Variants in GRB2 observed in about 807,000 individuals in gnomAD.
GRB2 encodes the protein growth factor receptor bound protein 2, also known as growth factor receptor-bound protein 2.
In GRB2, 2 loss-of-function variants were observed where a neutral mutation model predicts 27.4. The observed-to-expected ratio is 0.07, with a 90% CI of 0.03 to 0.23. The LOEUF (loss-of-function observed/expected upper bound fraction) is 0.23. GRB2 is among the 10% of genes least tolerant of loss of function. The pLI, the probability that GRB2 is intolerant of heterozygous loss-of-function variation, is 1.00. For synonymous variants in GRB2, 94 were observed against 99.6 expected (o/e 0.94, Z 0.33); for missense variants, 102 against 282.4 (o/e 0.36, Z 4.58).
chr17:75,397,305 G>C (rs1002488773), intron 1 of GRB2, among the ~76,000 whole-genome samples: 3 of 152,166 alleles, frequency 2.0e-5, no homozygotes, highest in Non-Finnish European at 4.4e-5. Context: ...TCTGAAAGCA[G>C]ACACAATGTA....
At chr17:75,366,701 T>G (rs1418233125) in intron 2 of GRB2, among the ~76,000 whole-genome samples, 1 of 152,000 alleles carries the variant, frequency 6.6e-6, no homozygotes, top group East Asian at 1.9e-4. Flanking sequence ...TTTCAGCTAC[T>G]TGGGAGGCTG....
At chr17:75,391,231 CA>C (rs1367184202) in intron 2 of GRB2, among the ~76,000 whole-genome samples, 1 of 152,094 alleles carries the variant, frequency 6.6e-6, no homozygotes, top group Non-Finnish European at 1.5e-5. Context: ...CTTCATATCT[CA>C]GTTATCTACC....
At chr17:75,350,963 G>A (rs1295509786) in intron 2 of GRB2, among the ~76,000 whole-genome samples, 1 of 152,278 alleles carries the variant, frequency 6.6e-6, no homozygotes, top group South Asian at 2.1e-4. Context: ...GGGAGACCAG[G>A]GACAGAGAAC....
At chr17:75,358,774 C>T (rs1353351225) in intron 2 of GRB2, among the ~76,000 whole-genome samples, 1 of 143,994 alleles carries the variant, frequency 6.9e-6, no homozygotes, top group Non-Finnish European at 1.5e-5. Flanking sequence ...ATCCCAGCTA[C>T]TCAGGAGGCT....
chr17:75,372,325 A>C (rs1424686800), intron 2 of GRB2: 2 of 152,282 alleles, frequency 1.3e-5, no homozygotes, highest in African/African-American at 4.8e-5. Context: ...TTGGGAAATA[A>C]AGGTTCACAA....
At chr17:75,324,366 ATTTTTTTTTTTT>A (rs1156329058) in intron 4 of GRB2, among the ~76,000 whole-genome samples, 4 of 93,630 alleles carry the variant, frequency 4.3e-5, no homozygotes, top group African/African-American at 7.5e-5. Flanking sequence ...CCATTTTTGT[ATTTTTTTTTTTT>A]TTTTTTTTTT....
intron 2 of GRB2, among the ~76,000 whole-genome samples, chr17:75,345,038 A>C (rs1303353487): frequency 6.6e-6 from 1 of 151,392 alleles, no homozygotes; most frequent in Middle Eastern, 3.2e-3. Context: ...TTTTTTTTAA[A>C]TTTTATTTAT....
At chr17:75,393,865 G>A (rs1471978254) in intron 1 of GRB2, 100 bp from the exon 2 acceptor site, 4 of 533,020 alleles carry the variant, frequency 7.5e-6, no homozygotes, top group African/African-American at 4.1e-5. Context: ...CCCCTGGCTC[G>A]GCCTGGCTCA....
chr17:75,336,391 A>C (rs1176554575), intron 2 of GRB2, among the ~76,000 whole-genome samples: 2 of 152,200 alleles, frequency 1.3e-5, no homozygotes, highest in Non-Finnish European at 2.9e-5. Context: ...AGTCAGACTG[A>C]CAAAGAGCTG....
At chr17:75,331,672 GTT>G (rs1277513606) in intron 3 of GRB2, among the ~76,000 whole-genome samples, 3 of 152,142 alleles carry the variant, frequency 2.0e-5, no homozygotes, top group Non-Finnish European at 2.9e-5. Context: ...ACCTAAGACT[GTT>G]TTTTAAATTT....
chr17:75,395,762 G>C (rs2079025368), intron 1 of GRB2, among the ~76,000 whole-genome samples: 1 of 151,642 alleles, frequency 6.6e-6, no homozygotes, highest in Non-Finnish European at 1.5e-5. Flanking sequence ...CACATATTCT[G>C]GTTTAATCAG....
At chr17:75,379,413 AAG>A (rs1555612296) in intron 2 of GRB2, among the ~76,000 whole-genome samples, 9 of 30,096 alleles carry the variant, frequency 3.0e-4, no homozygotes, top group Non-Finnish European at 3.4e-4. Context: ...AAAAAAAAAA[AAG>A]AAAGACAGGG....
chr17:75,382,097 C>T (rs1026030213), intron 2 of GRB2, among the ~76,000 whole-genome samples: 5 of 151,842 alleles, frequency 3.3e-5, no homozygotes, highest in African/African-American at 1.2e-4. Context: ...GAGGCACGTG[C>T]CTGTAGTCCC....
chr17:75,374,319 G>C (rs181712091), intron 2 of GRB2, among the ~76,000 whole-genome samples: 1 of 148,468 alleles, frequency 6.7e-6, no homozygotes, highest in Non-Finnish European at 1.5e-5. Flanking sequence ...CAAGAGAATC[G>C]CTGGAACCCG....
chr17:75,360,759 T>C (rs982632637), intron 2 of GRB2, among the ~76,000 whole-genome samples: 1 of 152,174 alleles, frequency 6.6e-6, no homozygotes, highest in Non-Finnish European at 1.5e-5. Flanking sequence ...AAGAGTCCTA[T>C]GATGCTATGT....
intron 2 of GRB2, chr17:75,372,780 G>A (rs1461520071): frequency 6.6e-6 from 1 of 152,196 alleles, no homozygotes; most frequent in Non-Finnish European, 1.5e-5. Context: ...GTGCAGCTTA[G>A]AGTACTATGT....
chr17:75,346,217 G>A (rs1489595901), intron 2 of GRB2, among the ~76,000 whole-genome samples: 1 of 148,914 alleles, frequency 6.7e-6, no homozygotes, highest in Non-Finnish European at 1.5e-5. Flanking sequence ...ATATTGGCTG[G>A]GCACAGTGGC....
chr17:75,340,361 A>G (rs2053159), intron 2 of GRB2, among the ~76,000 whole-genome samples: 90,596 of 152,140 alleles, frequency 0.6, 32,361 homozygotes, highest in East Asian at 0.87. Flanking sequence ...AGGTGTCCCC[A>G]GTTCTTCAAA....
In GRB2 at chr17:75,321,169, C is replaced by CTTTTT. The variant is rs61287852; in HGVS notation, c.468+485_468+489dup. On this transcript the variant is annotated intron_variant, in intron 5 of 5. Coordinates refer to ENST00000316804, the MANE Select transcript of GRB2 (RefSeq NM_002086.5). ...AAACCTTGTATTTGAAACAACAAAT[C>CTTTTT]TTTTTTTTTTTTTTTTTTTTTTTTT... is the stretch of plus-strand genomic sequence containing the variant. Among the ~76,000 whole-genome samples, 120 of 120,034 alleles carry CTTTTT rather than the reference C, an allele frequency of 1.0e-3. 4 individuals carry two copies. The highest frequency in any genetic ancestry group is 2.1e-3 in the African/African-American group (57 of 26,636). The allele number at this position is 120,034 out of a possible 152,430, so 78.7% of individuals were successfully genotyped here.
Sources: gnomAD v4.1 joint callset for allele counts (sites outside exome capture counted in the v4.1 genomes callset) on GRCh38, gnomAD v4.1.1 for gene constraint, MANE v1.5 for transcripts, NCBI Gene and HGNC (gene_info 2026-07-23, HGNC 2026-07-21) for gene names.